Variants in MYT1L observed in about 807,000 individuals in gnomAD.
The protein encoded by MYT1L is myelin transcription factor 1 like, also known as myelin transcription factor 1-like protein.
MYT1L carries 12 observed loss-of-function variants against 126.7 expected under a neutral mutation model. The ratio of observed to expected loss-of-function variants is 0.09; its 90% CI spans 0.06 to 0.15. The LOEUF is 0.15. MYT1L is among the 10% of genes least tolerant of loss of function. The pLI is 1.00. For synonymous variants in MYT1L, 541 were observed against 604.2 expected (o/e 0.90, Z 1.53); for missense variants, 979 against 1,585.2 (o/e 0.62, Z 6.49).
chr2:1,856,424 T>TA (rs2043931037), intron 18 of MYT1L, among the ~76,000 whole-genome samples: 1 of 152,172 alleles, frequency 6.6e-6, no homozygotes, highest in African/African-American at 2.4e-5. Flanking sequence ...TACATCATCA[T>TA]AAAAAAATCA....
At chr2:1,817,453 T>C (rs1192718618) in intron 21 of MYT1L, among the ~76,000 whole-genome samples, 2 of 152,218 alleles carry the variant, frequency 1.3e-5, no homozygotes, top group Non-Finnish European at 1.5e-5. Flanking sequence ...CTGCTGGGAA[T>C]GACAAATAAT....
At chr2:2,188,618 G>A (rs2092374156) in intron 2 of MYT1L, among the ~76,000 whole-genome samples, 1 of 152,192 alleles carries the variant, frequency 6.6e-6, no homozygotes. Flanking sequence ...CCAGGGTGCA[G>A]CCCTAATAGG....
chr2:2,188,882 T>C (rs2092390298), intron 2 of MYT1L, among the ~76,000 whole-genome samples: 1 of 22,712 alleles, frequency 4.4e-5, no homozygotes, highest in Non-Finnish European at 6.7e-5. Context: ...AAAAGCTTTG[T>C]CCTGCCACAG....
At chr2:2,058,350 T>C (rs186264341) in intron 3 of MYT1L, among the ~76,000 whole-genome samples, 1 of 152,364 alleles carries the variant, frequency 6.6e-6, no homozygotes, top group East Asian at 1.9e-4. Flanking sequence ...GATTTCTAAG[T>C]ATTTTTGCTA....
At chr2:1,869,771 GA>G (rs1366307445) in intron 18 of MYT1L, among the ~76,000 whole-genome samples, 1 of 152,162 alleles carries the variant, frequency 6.6e-6, no homozygotes, top group Non-Finnish European at 1.5e-5. Flanking sequence ...GTTTCAGAAA[GA>G]AGTTGAGGTT....
intron 2 of MYT1L, among the ~76,000 whole-genome samples, chr2:2,225,295 G>A (rs1387208759): frequency 6.6e-6 from 1 of 152,118 alleles, no homozygotes; most frequent in Non-Finnish European, 1.5e-5. Flanking sequence ...AGGGCAGGGG[G>A]TTGTAGTTGG....
chr2:2,156,831 G>A (rs2086805176), intron 3 of MYT1L, among the ~76,000 whole-genome samples: 1 of 152,218 alleles, frequency 6.6e-6, no homozygotes, highest in Non-Finnish European at 1.5e-5. Flanking sequence ...AGCGGCTGTT[G>A]GAGAGCCCTG....
intron 2 of MYT1L, among the ~76,000 whole-genome samples, chr2:2,189,736 C>T (rs894582320): frequency 2.0e-5 from 3 of 152,148 alleles, no homozygotes; most frequent in African/African-American, 7.2e-5. Flanking sequence ...TGGTGAGAAG[C>T]AGCGTTCTCA....
intron 23 of MYT1L, 93 bp from the exon 24 acceptor site, chr2:1,792,557 AG>A (rs1185187334): frequency 7.4e-7 from 1 of 1,358,100 alleles, no homozygotes; most frequent in African/African-American, 1.5e-5. Flanking sequence ...GGTGCGAAGA[AG>A]GGGCCTCTCG....
chr2:1,944,170 GTA>G (rs1167801489), intron 8 of MYT1L, among the ~76,000 whole-genome samples: 1 of 152,016 alleles, frequency 6.6e-6, no homozygotes, highest in African/African-American at 2.4e-5. Flanking sequence ...TGTTACATAT[GTA>G]TATGTGTGCC....
At chr2:2,115,985 C>T (rs534882002) in intron 3 of MYT1L, among the ~76,000 whole-genome samples, 30 of 147,668 alleles carry the variant, frequency 2.0e-4, no homozygotes, top group East Asian at 4.0e-4. Flanking sequence ...GAAAACAGGA[C>T]GAGCCTGCTG....
At chr2:2,128,188 G>T (rs1194170342) in intron 3 of MYT1L, among the ~76,000 whole-genome samples, 1 of 152,058 alleles carries the variant, frequency 6.6e-6, no homozygotes, top group African/African-American at 2.4e-5. Flanking sequence ...TCTCTTTGTT[G>T]CCCAGGCTGG....
chr2:1,792,296 C>T, intron 24 of MYT1L, 25 bp downstream of exon 24: 1 of 1,582,044 alleles, frequency 6.3e-7, no homozygotes, highest in Non-Finnish European at 8.6e-7. Context: ...CTCCACATTC[C>T]TGCCTTGCGT....
intron 8 of MYT1L, among the ~76,000 whole-genome samples, chr2:1,967,438 C>G (rs766800772): frequency 3.9e-5 from 6 of 152,188 alleles, no homozygotes; most frequent in African/African-American, 1.4e-4. Flanking sequence ...CCGGGGTGAA[C>G]GCGTGCTAAA....
intron 2 of MYT1L, among the ~76,000 whole-genome samples, chr2:2,217,180 C>G (rs1368862841): frequency 6.6e-6 from 1 of 152,016 alleles, no homozygotes; most frequent in Non-Finnish European, 1.5e-5. Context: ...CACCATTTCT[C>G]AGATAACTAA....
At chr2:1,813,846 T>G (rs2037136350) in intron 21 of MYT1L, among the ~76,000 whole-genome samples, 1 of 113,286 alleles carries the variant, frequency 8.8e-6, no homozygotes, top group African/African-American at 3.3e-5. Flanking sequence ...GCTAACACGG[T>G]GAAACCCCGT....
chr2:2,188,090 G>A (rs1450902047), intron 2 of MYT1L, among the ~76,000 whole-genome samples: 1 of 151,992 alleles, frequency 6.6e-6, no homozygotes, highest in African/African-American at 2.4e-5. Context: ...AGCCTCTACA[G>A]TAAAAATAAA....
chr2:2,296,684 G>A (rs1280584383), intron 1 of MYT1L, among the ~76,000 whole-genome samples: 1 of 152,158 alleles, frequency 6.6e-6, no homozygotes, highest in Admixed American at 6.5e-5. Flanking sequence ...GACACAGAAA[G>A]GAGAGACACT....
chr2:2,142,467 C>A (rs2084140562), intron 3 of MYT1L, among the ~76,000 whole-genome samples: 1 of 152,066 alleles, frequency 6.6e-6, no homozygotes, highest in African/African-American at 2.4e-5. Flanking sequence ...TATGCGAATA[C>A]CACCAGGATC....
Sources: gnomAD v4.1 joint callset for allele counts (sites outside exome capture counted in the v4.1 genomes callset) on GRCh38, gnomAD v4.1.1 for gene constraint, MANE v1.5 for transcripts, NCBI Gene and HGNC (gene_info 2026-07-23, HGNC 2026-07-21) for gene names.